The following MEGF10 variants were observed in gnomAD, a reference collection of about 807,000 sequenced individuals.
MEGF10 encodes multiple epidermal growth factor-like domains protein 10.
In MEGF10, 86 loss-of-function variants were observed where a neutral mutation model predicts 147.5. The observed-to-expected ratio is 0.58, with a 90% confidence interval of 0.49 to 0.70. The LOEUF (loss-of-function observed/expected upper bound fraction) is 0.70. Among genes scored for constraint, MEGF10 ranks in the 30% least tolerant of loss-of-function variants. The pLI, the probability that MEGF10 is intolerant of heterozygous loss-of-function variation, is 0.00. For missense variants in MEGF10, 1,329 were observed against 1,487.3 expected (o/e 0.89, Z 1.75); for synonymous variants, 478 against 525.5 (o/e 0.91, Z 1.24).
the MEGF10 span, among the ~76,000 whole-genome samples, chr5:127,271,404 G>GT: frequency 3.2e-4 from 47 of 147,998 alleles, no homozygotes; most frequent in East Asian, 7.9e-4. Context: ...TTTTAGTGGG[G>GT]TTTTTTTTTT....
intron 22 of MEGF10, among the ~76,000 whole-genome samples, chr5:127,450,946 A>G (rs761532478): frequency 6.6e-6 from 1 of 151,980 alleles, no homozygotes; most frequent in African/African-American, 2.4e-5. Context: ...TTCAGTAGAG[A>G]CAGGGTTTCT....
the MEGF10 span, among the ~76,000 whole-genome samples, chr5:127,283,586 A>G: frequency 1.1e-4 from 16 of 152,360 alleles, 1 homozygote; most frequent in African/African-American, 3.1e-4. Flanking sequence ...ACATTTAAAT[A>G]AAACAATACA....
intron 4 of MEGF10, among the ~76,000 whole-genome samples, chr5:127,363,468 G>A (rs1053383228): frequency 6.6e-6 from 1 of 152,092 alleles, no homozygotes; most frequent in Non-Finnish European, 1.5e-5. Context: ...TCTTCACACC[G>A]GGCAGCAGGA....
At chr5:127,237,513 T>C in the MEGF10 span, among the ~76,000 whole-genome samples, 2 of 151,938 alleles carry the variant, frequency 1.3e-5, no homozygotes, top group Admixed American at 6.6e-5. Context: ...AAAAAAGTTA[T>C]TTAACTTTGA....
intron 20 of MEGF10, 60 bp from the exon 21 acceptor site, chr5:127,447,497 C>T: frequency 3.7e-6 from 6 of 1,606,240 alleles, no homozygotes; most frequent in Non-Finnish European, 4.3e-6. Flanking sequence ...TTTTGATTCC[C>T]TTTTTTCACA....
At chr5:127,335,003 C>T (rs1761407466) in intron 2 of MEGF10, among the ~76,000 whole-genome samples, 1 of 152,082 alleles carries the variant, frequency 6.6e-6, no homozygotes, top group South Asian at 2.1e-4. Flanking sequence ...GTTCTTTGAC[C>T]TTAAATTAAA....
chr5:127,267,454 C>A, the MEGF10 span, among the ~76,000 whole-genome samples: 3 of 152,092 alleles, frequency 2.0e-5, no homozygotes, highest in Non-Finnish European at 2.9e-5. Flanking sequence ...GTTAGGGAGG[C>A]TTCCCTCTTT....
At chr5:127,348,584 T>A (rs987491969) in intron 4 of MEGF10, among the ~76,000 whole-genome samples, 1 of 152,182 alleles carries the variant, frequency 6.6e-6, no homozygotes, top group Non-Finnish European at 1.5e-5. Context: ...CACACGTATA[T>A]GCAATATGAA....
chr5:127,271,403 G>T, the MEGF10 span, among the ~76,000 whole-genome samples: 1 of 151,568 alleles, frequency 6.6e-6, no homozygotes, highest in Non-Finnish European at 1.5e-5. Context: ...TTTTTAGTGG[G>T]GTTTTTTTTT....
chr5:127,422,232 T>A (rs1449899372), intron 12 of MEGF10, among the ~76,000 whole-genome samples: 4 of 152,050 alleles, frequency 2.6e-5, no homozygotes, highest in African/African-American at 9.7e-5. Flanking sequence ...TTAAGATGCA[T>A]CCCTCTGGCT....
At chr5:127,392,824 C>T (rs1236552176) in intron 5 of MEGF10, among the ~76,000 whole-genome samples, 1 of 152,142 alleles carries the variant, frequency 6.6e-6, no homozygotes, top group African/African-American at 2.4e-5. Context: ...AAGTAGTACC[C>T]AGCAGTTTAA....
chr5:127,389,739 A>G (rs1763573269), intron 5 of MEGF10, among the ~76,000 whole-genome samples: 1 of 152,164 alleles, frequency 6.6e-6, no homozygotes. Flanking sequence ...ATGGACACAT[A>G]AAGAGGAACA....
intron 13 of MEGF10, among the ~76,000 whole-genome samples, chr5:127,426,223 A>T (rs1434491169): frequency 1.3e-5 from 2 of 152,184 alleles, no homozygotes; most frequent in Non-Finnish European, 2.9e-5. Flanking sequence ...ACTTCAACCC[A>T]CTATCTAGCA....
In MEGF10 at chr5:127,388,142, A is replaced by T. The variant is rs376272123; in HGVS notation, c.413-8390A>T. On this transcript the variant is annotated intron_variant, in intron 5 of 24. Transcript: ENST00000503335. ...CAAGCTTTCTAGCTTTTTTGTTTGT[A>T]TAGTATTATCATTATTATCATTTTG... is the stretch of plus-strand genomic sequence containing the variant. 2.0e-4 allele frequency among the ~76,000 whole-genome samples: 30 copies of T among 152,202 alleles called. 1 individual carries two copies. The South Asian group carries it at 6.0e-3, about 30-fold the overall frequency.
the MEGF10 span, among the ~76,000 whole-genome samples, chr5:127,274,371 A>T: frequency 3.9e-5 from 6 of 152,134 alleles, no homozygotes; most frequent in Admixed American, 3.3e-4. Context: ...CAATAGAGTT[A>T]TTTTCAATTT....
chr5:127,431,761 G>A (rs1765393579), intron 13 of MEGF10, among the ~76,000 whole-genome samples: 1 of 152,208 alleles, frequency 6.6e-6, no homozygotes, highest in South Asian at 2.1e-4. Context: ...TACCCTTGTT[G>A]GTACTTTCTT....
chr5:127,325,917 T>C (rs1470877417), intron 1 of MEGF10, among the ~76,000 whole-genome samples: 4 of 146,432 alleles, frequency 2.7e-5, no homozygotes, highest in African/African-American at 1.0e-4. Context: ...ATATTTTTTT[T>C]TTTTTAAGAC....
intron 23 of MEGF10, among the ~76,000 whole-genome samples, chr5:127,455,082 A>G (rs1028617792): frequency 6.6e-6 from 1 of 152,178 alleles, no homozygotes; most frequent in East Asian, 1.9e-4. Flanking sequence ...GGCCATCAAC[A>G]GCTGGTTTCT....
chr5:127,440,624 T>A (rs979315001), intron 17 of MEGF10, 115 bp from the exon 18 acceptor site: 1 of 1,088,458 alleles, frequency 9.2e-7, no homozygotes, highest in African/African-American at 1.6e-5. Context: ...ATTCACTGTA[T>A]TCTCTGATGG....
Sources: gnomAD v4.1 joint callset for allele counts (sites outside exome capture counted in the v4.1 genomes callset) on GRCh38, gnomAD v4.1.1 for gene constraint, MANE v1.5 for transcripts, NCBI Gene and HGNC (gene_info 2026-07-23, HGNC 2026-07-21) for gene names.